The following FRMD4A variants were observed in gnomAD, a reference collection of about 807,000 sequenced individuals.
FRMD4A encodes FERM domain containing 4A.
In FRMD4A, 29 loss-of-function variants were observed where a neutral mutation model predicts 129.1. The observed-to-expected ratio is 0.22, with a 90% CI of 0.17 to 0.31. The LOEUF is 0.31. Among genes scored for constraint, FRMD4A ranks in the 10% least tolerant of loss-of-function variants. The probability of loss-of-function intolerance (pLI) is 1.00; values close to 1 mark genes in which losing one functional copy is unlikely to be tolerated. For missense variants in FRMD4A, 1,272 were observed against 1,375.8 expected (o/e 0.92, Z 1.19); for synonymous variants, 634 against 571.6 (o/e 1.11, Z -1.56).
chr10:14,097,163 A>G (rs1016147501), intron 2 of FRMD4A: 9 of 93,838 alleles, frequency 9.6e-5, no homozygotes, highest in Non-Finnish European at 1.8e-4. Context: ...AAAAAAAAAA[A>G]AAAAGAAAAG....
At chr10:13,888,781 T>C (rs2094657432) in intron 2 of FRMD4A, among the ~76,000 whole-genome samples, 1 of 152,230 alleles carries the variant, frequency 6.6e-6, no homozygotes, top group Admixed American at 6.5e-5. Context: ...GACATTCTAA[T>C]ACTCTGTGGA....
chr10:13,794,020 C>T (rs188264955), intron 5 of FRMD4A, among the ~76,000 whole-genome samples: 1 of 152,082 alleles, frequency 6.6e-6, no homozygotes, highest in Non-Finnish European at 1.5e-5. Context: ...CCACCCCACC[C>T]TTGGAGGCTG....
chr10:14,175,744 C>G (rs1841699212), intron 2 of FRMD4A, among the ~76,000 whole-genome samples: 1 of 152,072 alleles, frequency 6.6e-6, no homozygotes, highest in African/African-American at 2.4e-5. Flanking sequence ...AGGCTGGTCT[C>G]AAACTCCTGG....
chr10:14,284,708 C>T (rs150617149), intron 2 of FRMD4A, among the ~76,000 whole-genome samples: 18 of 152,282 alleles, frequency 1.2e-4, no homozygotes, highest in African/African-American at 3.9e-4. Flanking sequence ...GATCTCTCAG[C>T]AATAAAATAT....
intron 2 of FRMD4A, among the ~76,000 whole-genome samples, chr10:13,964,836 C>G (rs920334516): frequency 2.0e-5 from 3 of 152,092 alleles, no homozygotes; most frequent in Non-Finnish European, 4.4e-5. Flanking sequence ...CTACAGGTGC[C>G]CATCACAGCC....
At chr10:13,680,594 C>T (rs1280353295) in intron 15 of FRMD4A, among the ~76,000 whole-genome samples, 1 of 152,016 alleles carries the variant, frequency 6.6e-6, no homozygotes, top group Admixed American at 6.5e-5. Flanking sequence ...GGCGTTGTGG[C>T]ATGCACCTGT....
intron 2 of FRMD4A, among the ~76,000 whole-genome samples, chr10:14,136,459 A>G (rs1017793407): frequency 6.6e-6 from 1 of 152,126 alleles, no homozygotes; most frequent in Admixed American, 6.5e-5. Flanking sequence ...AGACAAATAC[A>G]TGTCTGATGG....
Position 13,661,525 on chromosome 10 carries a change from C to T in FRMD4A, c.1661-972G>A, listed in dbSNP as rs369917967. 5.9e-5 allele frequency among the ~76,000 whole-genome samples: 9 copies of T among 152,174 alleles called. No homozygotes were observed. The South Asian group carries it at 1.5e-3, about 25-fold the overall frequency. On this transcript the variant is annotated intron_variant, in intron 19 of 24. Coordinates refer to ENST00000357447, the MANE Select transcript of FRMD4A (RefSeq NM_018027.5). Reference sequence around the variant, plus strand: ...GTGTGCACCATGTGAGCCAAGAGCCCGACTGATGGGGGCCTGGAATTCCGA... The same window carrying T: ...GTGTGCACCATGTGAGCCAAGAGCCTGACTGATGGGGGCCTGGAATTCCGA...
chr10:14,194,562 G>A (rs2131928504), intron 2 of FRMD4A, among the ~76,000 whole-genome samples: 1 of 152,290 alleles, frequency 6.6e-6, no homozygotes. Context: ...AGTGAGCCGA[G>A]ATCGCACCAC....
intron 21 of FRMD4A, among the ~76,000 whole-genome samples, chr10:13,658,029 G>A (rs751227973): frequency 6.9e-6 from 1 of 144,942 alleles, no homozygotes; most frequent in Non-Finnish European, 1.5e-5. Flanking sequence ...AGGGGTCCCA[G>A]CTAGTCAGGA....
intron 2 of FRMD4A, among the ~76,000 whole-genome samples, chr10:13,988,098 A>G (rs772759212): frequency 1.3e-5 from 2 of 152,228 alleles, no homozygotes; most frequent in Non-Finnish European, 2.9e-5. Flanking sequence ...CACTTATTTA[A>G]TAGTTACACA....
At chr10:14,186,144 AAAAAG>A (rs1842139190) in intron 2 of FRMD4A, among the ~76,000 whole-genome samples, 1 of 149,474 alleles carries the variant, frequency 6.7e-6, no homozygotes, top group African/African-American at 2.5e-5. Flanking sequence ...AGATAAAAAG[AAAAAG>A]AAAAAAAAAA....
intron 4 of FRMD4A, 29 bp downstream of exon 4, chr10:13,810,785 G>T: frequency 8.4e-7 from 1 of 1,193,676 alleles, no homozygotes; most frequent in Non-Finnish European, 1.2e-6. Context: ...CTCTCCCTTC[G>T]GGCTGTGAGG....
intron 2 of FRMD4A, among the ~76,000 whole-genome samples, chr10:14,167,960 T>G (rs1214463625): frequency 6.6e-6 from 1 of 152,200 alleles, no homozygotes; most frequent in Non-Finnish European, 1.5e-5. Flanking sequence ...ATCAGAGTCC[T>G]CCAGCCTTTT....
intron 2 of FRMD4A, among the ~76,000 whole-genome samples, chr10:14,293,663 T>C (rs1308315479): frequency 3.3e-5 from 5 of 150,884 alleles, no homozygotes; most frequent in Non-Finnish European, 7.4e-5. Context: ...TGGTTAGAGA[T>C]TAAAGTAGTA....
intron 2 of FRMD4A, among the ~76,000 whole-genome samples, chr10:13,966,112 C>T (rs185600453): frequency 1.4e-3 from 214 of 152,192 alleles, no homozygotes; most frequent in African/African-American, 4.9e-3. Context: ...CCCGACCTCC[C>T]GGGTTCAAGC....
chr10:14,037,639 G>T (rs1417282500), intron 2 of FRMD4A, among the ~76,000 whole-genome samples: 1 of 141,248 alleles, frequency 7.1e-6, no homozygotes, highest in Non-Finnish European at 1.5e-5. Flanking sequence ...AGAATTGTTG[G>T]CTCAAAAGTC....
intron 2 of FRMD4A, among the ~76,000 whole-genome samples, chr10:14,190,770 G>C (rs1358378226): frequency 6.6e-6 from 1 of 152,246 alleles, no homozygotes; most frequent in Non-Finnish European, 1.5e-5. Context: ...CTGTCTATCT[G>C]TGCTGGCTCC....
intron 2 of FRMD4A, among the ~76,000 whole-genome samples, chr10:14,265,098 TG>T (rs897545534): frequency 1.3e-5 from 2 of 152,224 alleles, no homozygotes; most frequent in African/African-American, 4.8e-5. Flanking sequence ...ACATTACTTT[TG>T]CCCATTAATG....
Sources: allele counts gnomAD v4.1 joint callset (sites outside exome capture counted in the v4.1 genomes callset), GRCh38; gene constraint gnomAD v4.1.1; transcripts MANE v1.5; gene names NCBI Gene and HGNC (gene_info 2026-07-23, HGNC 2026-07-21).